Variants in CDH7 observed in about 807,000 individuals in gnomAD.
CDH7 encodes the protein cadherin 7.
In CDH7, 25 loss-of-function variants were observed where a neutral mutation model predicts 71.8. The observed-to-expected ratio is 0.35, with a 90% CI of 0.25 to 0.49. The LOEUF is 0.49. CDH7 is among the 20% of genes least tolerant of loss of function. The probability of loss-of-function intolerance (pLI) is 0.99; values close to 1 mark genes in which losing one functional copy is unlikely to be tolerated. For missense variants in CDH7, 862 were observed against 974.6 expected, an observed-to-expected ratio of 0.88 and a Z score of 1.54; for synonymous variants, 381 against 363.8, an observed-to-expected ratio of 1.05 and a Z score of -0.54.
At chr18:65,789,471 G>GT (rs1568186284) in intron 2 of CDH7, among the ~76,000 whole-genome samples, 1 of 115,076 alleles carries the variant, frequency 8.7e-6, no homozygotes, top group Non-Finnish European at 1.6e-5. Context: ...CTATTTTTTT[G>GT]TTTGTTTTTT....
rs1208835886 is a variant in CDH7 at position 65,885,455 on chromosome 18, G to C, written c.*4561G>C. 7.0e-6 allele frequency: 1 copy of C among 143,724 alleles called. No individual in the cohort carries two copies. Among genetic ancestry groups the C allele is most frequent in the African/African-American group, 2.6e-5 (1 of 38,308 alleles). The allele number at this position is 143,724 out of a possible 1,614,324, so 8.9% of individuals were successfully genotyped here. On this transcript the variant is annotated 3_prime_UTR_variant, in exon 12 of 12. Coordinates refer to ENST00000397968, the MANE Select transcript of CDH7 (RefSeq NM_004361.5). ...TGCAGTGGTGCGATCTCGGCTCACT[G>C]CAAGCTCCGCCTCCAGGGTTCACAC...
At chr18:65,823,475 A>T (rs1341531349) in intron 5 of CDH7, among the ~76,000 whole-genome samples, 1 of 151,896 alleles carries the variant, frequency 6.6e-6, no homozygotes, top group African/African-American at 2.4e-5. Context: ...GATCCCTTCA[A>T]ACTTATTAAA....
intron 6 of CDH7, among the ~76,000 whole-genome samples, chr18:65,828,534 A>G (rs1301338573): frequency 6.6e-6 from 1 of 152,196 alleles, no homozygotes. Context: ...TGCCTAAAAT[A>G]TATGAAGATA....
At chr18:65,759,631 CA>C (rs1353724235) in intron 1 of CDH7, among the ~76,000 whole-genome samples, 3 of 151,976 alleles carry the variant, frequency 2.0e-5, no homozygotes, top group African/African-American at 7.3e-5. Context: ...ATATAATTGT[CA>C]AAAAGTAGAA....
intron 7 of CDH7, among the ~76,000 whole-genome samples, chr18:65,846,331 C>T (rs1912934110): frequency 6.6e-6 from 1 of 152,230 alleles, no homozygotes; most frequent in South Asian, 2.1e-4. Context: ...TTTTACCCCA[C>T]TTTCATTTCC....
intron 7 of CDH7, among the ~76,000 whole-genome samples, chr18:65,852,052 C>G (rs1256780244): frequency 6.6e-6 from 1 of 151,916 alleles, no homozygotes; most frequent in South Asian, 2.1e-4. Flanking sequence ...ACAGAATGAC[C>G]AACATGAGAA....
At chr18:65,880,255 G>A (rs1462699748) in intron 11 of CDH7, 146 bp from the exon 12 acceptor site, 4 of 774,150 alleles carry the variant, frequency 5.2e-6, no homozygotes, top group East Asian at 2.7e-5. Flanking sequence ...ATCTACCGCT[G>A]TGAATCCTTG....
rs141957522 is a variant in CDH7, at chr18:65,862,821, G to A, written c.1768G>A (p.Val590Ile). 15 of 1,614,094 alleles carry A rather than the reference G, an allele frequency of 9.3e-6. No homozygotes were observed. The highest frequency in any genetic ancestry group is 4.0e-5 in the African/African-American group (3 of 75,030). Residue 590 changes from valine (V) to isoleucine (I), a missense_variant, in exon 11 of 12, where the codon GTA (valine) becomes ATA (isoleucine). Val to Ile is a conservative substitution (Grantham distance 29). Coordinates refer to ENST00000397968, the MANE Select transcript of CDH7 (RefSeq NM_004361.5). ...IRVCDCDADG[V>I]AQTCNAEAYV... ...CGTGTGTGACTGTGATGCTGACGGC[G>A]TAGCCCAGACCTGCAATGCAGAGGC...
chr18:65,814,553 G>C lies in CDH7; in HGVS notation c.574G>C (p.Val192Leu), dbSNP rs1911656353. Residue 192 changes from valine to leucine, a missense_variant, in exon 4 of 12, where the codon GTC (valine) becomes CTC (leucine). Physicochemically the swap from Val to Leu is conservative, Grantham distance 32. Transcript: ENST00000397968. ...DPTYGNSARV[V>L]YSILQGQPYF... is the part of the protein sequence containing the mutation. Reference sequence around the variant, plus strand: ...TACATATGGCAACAGTGCCAGAGTGGTCTACAGTATTCTGCAAGGACAGCC... The same window carrying C: ...TACATATGGCAACAGTGCCAGAGTGCTCTACAGTATTCTGCAAGGACAGCC... 1 of 1,613,678 alleles carries C rather than the reference G, an allele frequency of 6.2e-7. No individual in the cohort carries two copies. The highest frequency in any genetic ancestry group is 1.1e-5 in the South Asian group (1 of 91,046).
At chr18:65,773,028 G>A (rs754845939) in intron 2 of CDH7, among the ~76,000 whole-genome samples, 1 of 152,068 alleles carries the variant, frequency 6.6e-6, no homozygotes. Flanking sequence ...TTAACTCTGG[G>A]TACATCGATA....
chr18:65,858,983 T>A lies in CDH7; in HGVS notation c.1431T>A (p.Asp477Glu). Residue 477 changes from aspartate to glutamate, a missense_variant, in exon 9 of 12, where the codon GAT becomes GAA. Asp to Glu is a conservative substitution (Grantham distance 45). Transcript: ENST00000397968. The stretch of plus-strand genomic sequence containing the variant: ...CCATCACTATACTTGACATCAATGA[T>A]AACGCCCCTGAATTTGCCATGGACT... ...YVAITILDIN[D>E]NAPEFAMDYE... 6.2e-7 allele frequency: 1 copy of A among 1,613,036 alleles called. No individual in the cohort carries two copies. The highest frequency in any genetic ancestry group is 8.5e-7 in the Non-Finnish European group (1 of 1,179,088).
intron 2 of CDH7, among the ~76,000 whole-genome samples, chr18:65,766,512 G>C (rs1916371976): frequency 6.6e-6 from 1 of 152,096 alleles, no homozygotes; most frequent in Non-Finnish European, 1.5e-5. Flanking sequence ...GGCTATGCTA[G>C]ACTCCGATGG....
rs928008469 is a variant in CDH7 at position 65,812,093 on chromosome 18, C to T, written c.505+2095C>T. On this transcript the variant is annotated intron_variant, in intron 3 of 11. Coordinates refer to ENST00000397968, the MANE Select transcript of CDH7 (RefSeq NM_004361.5). ...AAGCAATTCTCCTGCCTCAGCCTCC[C>T]GAGTAGCTGGGACTACAGGTGCGCA... 4.6e-5 allele frequency among the ~76,000 whole-genome samples: 7 copies of T among 150,688 alleles called. No homozygotes were observed. In the South Asian group the frequency reaches 8.4e-4, roughly 18 times the overall value.
At chr18:65,820,334 G>A (rs1000770365) in intron 4 of CDH7, among the ~76,000 whole-genome samples, 1 of 151,540 alleles carries the variant, frequency 6.6e-6, no homozygotes, top group African/African-American at 2.4e-5. Flanking sequence ...AAGCATGAAA[G>A]TCTCACGGAG....
At chr18:65,839,055 C>T (rs549408928) in intron 6 of CDH7, among the ~76,000 whole-genome samples, 4 of 152,218 alleles carry the variant, frequency 2.6e-5, no homozygotes, top group South Asian at 2.1e-4. Context: ...TTGATGAGGT[C>T]AGCAAGGGCT....
chr18:65,763,606 T>TGTGG (rs1229291673), intron 2 of CDH7, among the ~76,000 whole-genome samples: 1 of 150,630 alleles, frequency 6.6e-6, no homozygotes, highest in African/African-American at 2.4e-5. Context: ...TGTGTGTGTG[T>TGTGG]GTGTGTGTGT....
chr18:65,836,469 A>T (rs1912536440), intron 6 of CDH7, among the ~76,000 whole-genome samples: 1 of 152,144 alleles, frequency 6.6e-6, no homozygotes, highest in Non-Finnish European at 1.5e-5. Flanking sequence ...TGATGAAAAT[A>T]ATATCTCCTG....
At chr18:65,798,300 T>C (rs1419719177) in intron 2 of CDH7, among the ~76,000 whole-genome samples, 1 of 152,226 alleles carries the variant, frequency 6.6e-6, no homozygotes, top group Non-Finnish European at 1.5e-5. Flanking sequence ...CTTTTATGAA[T>C]TTTGCCATTT....
intron 2 of CDH7, among the ~76,000 whole-genome samples, chr18:65,779,833 T>G (rs1420860802): frequency 1.4e-5 from 1 of 71,934 alleles, no homozygotes; most frequent in Non-Finnish European, 2.3e-5. Context: ...ATGGGTTGGC[T>G]GGGTCAAATG....
Sources: allele counts gnomAD v4.1 joint callset (sites outside exome capture counted in the v4.1 genomes callset), GRCh38; gene constraint gnomAD v4.1.1; transcripts MANE v1.5; gene names NCBI Gene and HGNC (gene_info 2026-07-23, HGNC 2026-07-21).